Variants in EML2 observed in about 807,000 individuals in gnomAD.
EML2 encodes the protein EMAP like 2.
A neutral mutation model predicts 84.7 loss-of-function variants in EML2; 59 were observed. The ratio of observed to expected loss-of-function variants is 0.70; its 90% CI spans 0.56 to 0.86. The LOEUF is 0.86. Ranked by LOEUF, EML2 falls within the 40% of genes least tolerant of loss-of-function variation. The pLI is 0.00. For missense variants in EML2, 818 were observed against 855.6 expected (o/e 0.96, Z 0.55); for synonymous variants, 352 against 348.9 (o/e 1.01, Z -0.10).
chr19:45,636,015 C>T (rs1475588860), intron 3 of EML2, among the ~76,000 whole-genome samples: 4 of 152,106 alleles, frequency 2.6e-5, no homozygotes, highest in Admixed American at 6.6e-5. Flanking sequence ...CCCCTAAATC[C>T]GATCACAAGT....
At chr19:45,613,811 A>G in intron 17 of EML2, 140 bp from the exon 18 acceptor site, 1 of 1,071,170 alleles carries the variant, frequency 9.3e-7, no homozygotes, top group Non-Finnish European at 1.3e-6. Context: ...GAATTACCTT[A>G]AAATGTGAAT....
At chr19:45,643,835 A>T, upstream of EML2, 3 of 1,355,800 alleles carry the variant, frequency 2.2e-6, no homozygotes, top group Non-Finnish European at 2.9e-6. Flanking sequence ...GGACCTGCAG[A>T]GGGAGGTGGG....
At chr19:45,633,877 T>C (rs1421448534) in intron 4 of EML2, among the ~76,000 whole-genome samples, 1 of 152,210 alleles carries the variant, frequency 6.6e-6, no homozygotes, top group Non-Finnish European at 1.5e-5. Context: ...CCCAAAGTGC[T>C]GCTTTCACAG....
At chr19:45,610,633 T>A (rs1391455096) in intron 18 of EML2, among the ~76,000 whole-genome samples, 2 of 151,686 alleles carry the variant, frequency 1.3e-5, no homozygotes, top group South Asian at 4.2e-4. Context: ...AGGTCAGGAG[T>A]TCGATACCAG....
intron 3 of EML2, among the ~76,000 whole-genome samples, 187 bp downstream of exon 3, chr19:45,638,318 C>T (rs1974012962): frequency 6.6e-6 from 1 of 152,172 alleles, no homozygotes; most frequent in Admixed American, 6.5e-5. Flanking sequence ...ATGCACCAAT[C>T]CCACTCTGGC....
At chr19:45,628,198 C>T (rs1972593878) in intron 7 of EML2, among the ~76,000 whole-genome samples, 1 of 151,428 alleles carries the variant, frequency 6.6e-6, no homozygotes, top group African/African-American at 2.4e-5. Flanking sequence ...GGCGAAACCC[C>T]ATCTCTACTA....
intron 13 of EML2, 65 bp downstream of exon 13, chr19:45,617,565 A>C: frequency 7.0e-7 from 1 of 1,423,098 alleles, no homozygotes; most frequent in Non-Finnish European, 9.8e-7. Flanking sequence ...AGTAGGAAAG[A>C]GGGAAGAAGG....
At chr19:45,621,879 G>C (rs969630590) in intron 9 of EML2, among the ~76,000 whole-genome samples, 1 of 151,642 alleles carries the variant, frequency 6.6e-6, no homozygotes, top group Non-Finnish European at 1.5e-5. Flanking sequence ...CAAGTAGCTG[G>C]GATTACAGGC....
chr19:45,645,001 C>A, upstream of EML2: 3 of 553,534 alleles, frequency 5.4e-6, no homozygotes, highest in Admixed American at 3.0e-5. Context: ...GCCGTTCCCC[C>A]TTCCAATCCC....
chr19:45,616,614 C>T (rs1971109459), intron 14 of EML2, 56 bp from the exon 15 acceptor site: 1 of 1,470,358 alleles, frequency 6.8e-7, no homozygotes, highest in East Asian at 2.3e-5. Flanking sequence ...CCCCTCCTCG[C>T]CCAGACTCAG....
rs191443371 is a variant in EML2, at chr19:45,620,764, C to A, written c.1122+443G>T. 162 of 281,860 alleles carry A rather than the reference C, an allele frequency of 5.7e-4. 1 individual carries two copies. Among genetic ancestry groups the A allele is most frequent in the African/African-American group, 2.9e-3 (131 of 45,396 alleles). The allele number at this position is 281,860 out of a possible 1,614,324, so 17.5% of individuals were successfully genotyped here. On this transcript the variant is annotated intron_variant, in intron 11 of 18. Transcript: ENST00000245925. ...TATAGTGCTTCCCGGTAGGTGAGTTCTTTAATTGGGTCAGGGGTAAGGAAG... is the reference window on the plus strand; with the variant it reads ...TATAGTGCTTCCCGGTAGGTGAGTTATTTAATTGGGTCAGGGGTAAGGAAG...
chr19:45,635,618 G>A (rs1973641038), intron 3 of EML2, among the ~76,000 whole-genome samples: 1 of 117,302 alleles, frequency 8.5e-6, no homozygotes, highest in African/African-American at 3.3e-5. Flanking sequence ...TTGAGATGGA[G>A]TTTCGCTCTT....
chr19:45,620,970 A>G (rs747227005), intron 11 of EML2: 7 of 641,354 alleles, frequency 1.1e-5, no homozygotes, highest in Non-Finnish European at 2.0e-5. Context: ...GCCACCCCCA[A>G]TCAGAGTGGC....
At chr19:45,642,055 G>A, upstream of EML2, 12 of 1,444,352 alleles carry the variant, frequency 8.3e-6, no homozygotes, top group Non-Finnish European at 1.1e-5. Context: ...GAGGGATGGG[G>A]TTAGGGGACA....
At chr19:45,610,949 T>C (rs1424715026) in intron 18 of EML2, among the ~76,000 whole-genome samples, 2 of 152,350 alleles carry the variant, frequency 1.3e-5, no homozygotes, top group African/African-American at 4.8e-5. Context: ...CTATTCTACA[T>C]GCTGGGATTT....
At chr19:45,626,261 C>T (rs573075377) in intron 8 of EML2, among the ~76,000 whole-genome samples, 1 of 152,130 alleles carries the variant, frequency 6.6e-6, no homozygotes, top group African/African-American at 2.4e-5. Context: ...ATCCTCCCCC[C>T]TCAGCCTCCC....
Position 45,621,191 on chromosome 19 carries a change from GA to G in EML2, c.1122+15del, listed in dbSNP as rs1327142487. 2 of 1,612,522 alleles carry G rather than the reference GA, an allele frequency of 1.2e-6. No individual in the cohort carries two copies. The highest frequency in any genetic ancestry group is 1.7e-6 in the Non-Finnish European group (2 of 1,179,906). ...GAGCTGGGAAGAGGGGAGGGGTGCA[GA>G]GGAGAGAGGCGCACCTGGACCAGCA... On this transcript the variant is annotated intron_variant, in intron 11 of 18. Coordinates refer to ENST00000245925, the MANE Select transcript of EML2 (RefSeq NM_012155.4).
In EML2 at chr19:45,632,943, TC is replaced by T; in HGVS notation, c.427del (p.Asp143ThrfsTer97). ...GTGTAAGGTGGAGAGGGAAACTGAG[TC>T]CCAGATGCGCACGTGGGGCGGCAGC... Reference protein sequence around the residue: ...KPLPPHVRIWDSVSLSTLHVL... With the variant: ...KPLPPHVRIWXSVSLSTLHVL... On this transcript the variant is annotated frameshift_variant, in exon 6 of 19. Transcript: ENST00000245925. LOFTEE classifies it high-confidence loss of function. The T allele has an allele frequency of 6.2e-7, 1 of 1,614,026 alleles. No homozygotes were observed. Among genetic ancestry groups the T allele is most frequent in the South Asian group, 1.1e-5 (1 of 91,054 alleles).
At chr19:45,642,362 G>T (rs1280431677), upstream of EML2, 7 of 1,527,260 alleles carry the variant, frequency 4.6e-6, no homozygotes, top group East Asian at 1.5e-4. Flanking sequence ...TCTGGAAGAC[G>T]GGGGAGTGCC....
Sources: gnomAD v4.1 joint callset for allele counts (sites outside exome capture counted in the v4.1 genomes callset) on GRCh38, gnomAD v4.1.1 for gene constraint, MANE v1.5 for transcripts, NCBI Gene and HGNC (gene_info 2026-07-23, HGNC 2026-07-21) for gene names.